RPAP3: variants seen among roughly 807,000 people sequenced by gnomAD.
The protein encoded by RPAP3 is RNA polymerase II associated protein 3, also known as RNA polymerase II-associated protein 3.
RPAP3 carries 58 observed loss-of-function variants against 88.8 expected under a neutral mutation model. That is an observed-to-expected ratio of 0.65 (90% CI 0.53 to 0.81). The LOEUF (loss-of-function observed/expected upper bound fraction) is 0.81. Ranked by LOEUF, RPAP3 falls within the 40% of genes least tolerant of loss-of-function variation. The probability of loss-of-function intolerance (pLI) is 0.00; values close to 1 mark genes in which losing one functional copy is unlikely to be tolerated. For missense variants in RPAP3, 751 were observed against 764.3 expected (o/e 0.98, Z 0.20); for synonymous variants, 255 against 259.9 (o/e 0.98, Z 0.18).
chr12:47,663,466 T>G lies in RPAP3; in HGVS notation c.*39A>C, dbSNP rs1483435032. On this transcript the variant is annotated 3_prime_UTR_variant, in exon 17 of 17. Coordinates refer to ENST00000005386, the MANE Select transcript of RPAP3 (RefSeq NM_024604.3). ...ACACTTTCAGTAGAAAAAATTTACATATGAAAGTCAAAAACAATTATTTCA... is the reference window on the plus strand; with the variant it reads ...ACACTTTCAGTAGAAAAAATTTACAGATGAAAGTCAAAAACAATTATTTCA... 1.5e-6 allele frequency: 2 copies of G among 1,334,162 alleles called. No homozygotes were observed. Among genetic ancestry groups the G allele is most frequent in the Admixed American group, 2.0e-5 (1 of 48,936 alleles). 82.6% of individuals were successfully genotyped at this position (1,334,162 alleles called of 1,614,324 possible).
intron 10 of RPAP3, among the ~76,000 whole-genome samples, chr12:47,680,140 G>A (rs1285556721): frequency 6.6e-6 from 1 of 152,064 alleles, no homozygotes; most frequent in East Asian, 1.9e-4. Flanking sequence ...GCCTTAAAAA[G>A]GAATGAAATT....
intron 1 of RPAP3, 112 bp from the exon 2 acceptor site, chr12:47,702,958 C>T: frequency 1.7e-6 from 1 of 586,872 alleles, no homozygotes; most frequent in Non-Finnish European, 2.7e-6. Flanking sequence ...GATACATGGA[C>T]AGAAGACAGC....
chr12:47,680,899 G>A (rs1230307292), intron 10 of RPAP3, among the ~76,000 whole-genome samples: 14 of 138,310 alleles, frequency 1.0e-4, no homozygotes, highest in Non-Finnish European at 1.9e-4. Flanking sequence ...TGGCAGATAG[G>A]AAAAGATACA....
At chr12:47,696,510 A>G in intron 4 of RPAP3, 107 bp from the exon 5 acceptor site, 1 of 662,868 alleles carries the variant, frequency 1.5e-6, no homozygotes, top group Non-Finnish European at 2.3e-6. Context: ...TTAAATGTAG[A>G]TTTTTTTCAA....
At chr12:47,688,438 C>T (rs561040831) in intron 7 of RPAP3, among the ~76,000 whole-genome samples, 1 of 151,954 alleles carries the variant, frequency 6.6e-6, no homozygotes, top group South Asian at 2.1e-4. Context: ...CAGTATCATA[C>T]AATATGCCCA....
At chr12:47,671,812 G>A (rs1165315567) in intron 12 of RPAP3, among the ~76,000 whole-genome samples, 1 of 151,496 alleles carries the variant, frequency 6.6e-6, no homozygotes, top group African/African-American at 2.4e-5. Context: ...AGCCACTGAG[G>A]GTCACTGATG....
At chr12:47,704,998 G>A (rs1163113611) in intron 1 of RPAP3, among the ~76,000 whole-genome samples, 2 of 152,054 alleles carry the variant, frequency 1.3e-5, no homozygotes, top group Non-Finnish European at 2.9e-5. Flanking sequence ...AAAAAGGAGG[G>A]GGGGGAATGA....
intron 16 of RPAP3, 71 bp from the exon 17 acceptor site, chr12:47,663,661 G>T: frequency 1.2e-6 from 1 of 853,808 alleles, no homozygotes; most frequent in Non-Finnish European, 1.8e-6. Context: ...AAATTAAAAG[G>T]AGCAATCTAT....
In RPAP3 at chr12:47,689,041, A is replaced by C; in HGVS notation, c.738+84T>G. On this transcript the variant is annotated intron_variant, in intron 7 of 16. Coordinates refer to ENST00000005386, the MANE Select transcript of RPAP3 (RefSeq NM_024604.3). The stretch of plus-strand genomic sequence containing the variant: ...AATTAGAAAATCTCAATATTAAGAA[A>C]TCTATAGTACAAAATCTATGCAAAA... The C allele has an allele frequency of 6.1e-6, 4 of 661,058 alleles. No homozygotes were observed. The South Asian group carries it at 7.0e-5, about 12-fold the overall frequency. 40.9% of individuals were successfully genotyped at this position (661,058 alleles called of 1,614,324 possible).
rs776526044 is a variant in RPAP3, at chr12:47,696,268, G to C, written c.545+8C>G. The stretch of plus-strand genomic sequence containing the variant: ...TTCACATTCACACACGTCACAGAAA[G>C]TCCTTACTTTTTCAGTCTAAAATAT... On this transcript the variant is annotated splice_region_variant and intron_variant, in intron 5 of 16. Transcript: ENST00000005386. 6.5e-7 allele frequency: 1 copy of C among 1,528,010 alleles called. No individual in the cohort carries two copies. Among genetic ancestry groups the C allele is most frequent in the Non-Finnish European group, 8.8e-7 (1 of 1,137,478 alleles). 94.7% of individuals were successfully genotyped at this position (1,528,010 alleles called of 1,614,324 possible).
At position 47,677,132 on chromosome 12, in the gene RPAP3, C is replaced by T. The variant is rs552090597; in HGVS notation, c.1287+2361G>A. ...TAATCCATCACATAAACAGAACCAA[C>T]GACAAAAACCACATGGTTATCCCAA... On this transcript the variant is annotated intron_variant, in intron 12 of 16. Coordinates refer to ENST00000005386, the MANE Select transcript of RPAP3 (RefSeq NM_024604.3). 5.9e-5 allele frequency among the ~76,000 whole-genome samples: 9 copies of T among 152,130 alleles called. No individual in the cohort carries two copies. The South Asian group carries it at 1.5e-3, about 25-fold the overall frequency.
chr12:47,682,762 T>C (rs1448788882), intron 9 of RPAP3, among the ~76,000 whole-genome samples: 1 of 151,814 alleles, frequency 6.6e-6, no homozygotes, highest in Non-Finnish European at 1.5e-5. Flanking sequence ...CAAAATCTCA[T>C]ATGAAAAAAA....
Position 47,669,009 on chromosome 12 carries a change from A to G in RPAP3, c.1620T>C (p.Thr540=), listed in dbSNP as rs370499724. The G allele has an allele frequency of 1.2e-6, 2 of 1,613,946 alleles. No homozygotes were observed. The highest frequency in any genetic ancestry group is 1.7e-6 in the Non-Finnish European group (2 of 1,179,840). Residue 540 remains threonine (T), a synonymous_variant, in exon 14 of 17, where the codon ACT becomes ACC. Transcript: ENST00000005386. ...AGTTTGCAGGAATTGGAGGAAGAACAGTTGTGGCAAACTGAGCAGGTTTTT... is the reference window on the plus strand; with the variant it reads ...AGTTTGCAGGAATTGGAGGAAGAACGGTTGTGGCAAACTGAGCAGGTTTTT... The part of the protein sequence containing the change: ...IEQKPAQFAT[T]VLPPIPANSF...
intron 16 of RPAP3, among the ~76,000 whole-genome samples, chr12:47,665,830 G>A (rs1276981516): frequency 2.0e-5 from 3 of 151,144 alleles, no homozygotes; most frequent in Non-Finnish European, 3.0e-5. Flanking sequence ...TTGTAAAGAC[G>A]GGGTTTTTGC....
At chr12:47,663,808 A>C (rs1938809074) in intron 16 of RPAP3, among the ~76,000 whole-genome samples, 1 of 152,244 alleles carries the variant, frequency 6.6e-6, no homozygotes, top group Admixed American at 6.5e-5. Flanking sequence ...TTGCTTTAGC[A>C]GTATAAAATT....
chr12:47,693,053 G>C (rs1446324820), intron 5 of RPAP3, among the ~76,000 whole-genome samples: 1 of 152,104 alleles, frequency 6.6e-6, no homozygotes, highest in Non-Finnish European at 1.5e-5. Flanking sequence ...CTAATTGTTT[G>C]TATTTTTAGT....
intron 7 of RPAP3, among the ~76,000 whole-genome samples, chr12:47,688,336 A>T (rs569470702): frequency 6.6e-6 from 1 of 151,946 alleles, no homozygotes; most frequent in Non-Finnish European, 1.5e-5. Context: ...TGGGGAGAGA[A>T]ACATTGGGGT....
intron 10 of RPAP3, 64 bp from the exon 11 acceptor site, chr12:47,679,838 T>C: frequency 8.9e-7 from 1 of 1,127,902 alleles, no homozygotes; most frequent in Non-Finnish European, 1.3e-6. Flanking sequence ...TATTCGCATG[T>C]ATATTCATGA....
chr12:47,695,629 G>A (rs1051501812), intron 5 of RPAP3, among the ~76,000 whole-genome samples: 14 of 152,088 alleles, frequency 9.2e-5, no homozygotes, highest in Non-Finnish European at 2.9e-5. Context: ...ATTATAAAAT[G>A]TAAATATTCC....
Sources: gnomAD v4.1 joint callset for allele counts (sites outside exome capture counted in the v4.1 genomes callset) on GRCh38, gnomAD v4.1.1 for gene constraint, MANE v1.5 for transcripts, NCBI Gene and HGNC (gene_info 2026-07-23, HGNC 2026-07-21) for gene names.